Variants in CEP162 observed in about 807,000 individuals in gnomAD.
CEP162 encodes the protein centrosomal protein of 162 kDa.
CEP162 carries 141 observed loss-of-function variants against 169.2 expected under a neutral mutation model. The ratio of observed to expected loss-of-function variants is 0.83; its 90% CI spans 0.73 to 0.96. The LOEUF is 0.96. CEP162 is among the 40% of genes least tolerant of loss of function. The pLI is 0.00. For missense variants in CEP162, 1,600 were observed against 1,587.2 expected, an observed-to-expected ratio of 1.01 and a Z score of -0.14; for synonymous variants, 540 against 526.4, an observed-to-expected ratio of 1.03 and a Z score of -0.35.
intron 9 of CEP162, 130 bp from the exon 10 acceptor site, chr6:84,195,205 G>C (rs2099541606): frequency 1.4e-6 from 1 of 729,734 alleles, no homozygotes; most frequent in South Asian, 2.0e-5. Context: ...GTAATTTGCA[G>C]CTATGGCCTA....
chr6:84,183,311 C>T (rs1292166685), intron 13 of CEP162, among the ~76,000 whole-genome samples: 4 of 152,000 alleles, frequency 2.6e-5, no homozygotes, highest in African/African-American at 9.7e-5. Context: ...GTGACATTAC[C>T]TCTGTCTTCA....
chr6:84,192,144 T>C (rs1383343545), intron 11 of CEP162, among the ~76,000 whole-genome samples: 1 of 152,190 alleles, frequency 6.6e-6, no homozygotes, highest in East Asian at 1.9e-4. Flanking sequence ...ACATTTTTGA[T>C]GACAAGCTAC....
At chr6:84,222,076 C>A (rs913638479) in intron 2 of CEP162, among the ~76,000 whole-genome samples, 38 of 151,562 alleles carry the variant, frequency 2.5e-4, no homozygotes, top group Middle Eastern at 3.4e-3. Flanking sequence ...TAGAACAAAA[C>A]AAAAAAATTC....
intron 23 of CEP162, among the ~76,000 whole-genome samples, chr6:84,149,923 T>C (rs1053348873): frequency 6.7e-6 from 1 of 150,328 alleles, no homozygotes; most frequent in Non-Finnish European, 1.5e-5. Context: ...AAGGGCAAAC[T>C]TGAGGAAATA....
Position 84,204,087 on chromosome 6 carries a change from C to A in CEP162, c.581G>T (p.Ser194Ile). 1 of 1,576,020 alleles carries A rather than the reference C, an allele frequency of 6.3e-7. No individual in the cohort carries two copies. Among genetic ancestry groups the A allele is most frequent in the Middle Eastern group, 1.7e-4 (1 of 5,900 alleles). ...SKHEELAENY[S>I]DDFEDEYVGA... ...AACATACTCATCTTCAAAATCATCA[C>A]TGTAATTTTCTGAAGAAAGTAATTT... Residue 194 changes from serine (S) to isoleucine (I), a missense_variant, in exon 7 of 27, where the codon AGT becomes ATT. Coordinates refer to ENST00000403245, the MANE Select transcript of CEP162 (RefSeq NM_014895.4).
At position 84,215,343 on chromosome 6, in the gene CEP162, A is replaced by G; in HGVS notation, c.442T>C (p.Tyr148His). ...LEKGLTSSIDYSRLNKELDSN... is the reference protein window; with the variant it reads ...LEKGLTSSIDHSRLNKELDSN... ...TCCAATTCCTTATTTAATCTCGAAT[A>G]ATCAATGGAAGATGTCAAGCCTTTC... The change falls in exon 5 of 27, where the codon TAT (tyrosine) becomes CAT (histidine). Residue 148 changes from tyrosine to histidine, a missense_variant. By Grantham distance (83) the Tyr-to-His change is moderately conservative (BLOSUM62 2). Coordinates refer to ENST00000403245, the MANE Select transcript of CEP162 (RefSeq NM_014895.4). 6.2e-7 allele frequency: 1 copy of G among 1,604,262 alleles called. No homozygotes were observed.
chr6:84,184,202 C>T (rs1355506892), intron 13 of CEP162, among the ~76,000 whole-genome samples: 2 of 152,118 alleles, frequency 1.3e-5, no homozygotes, highest in Non-Finnish European at 2.9e-5. Context: ...CGTACATTGT[C>T]AATTATTTTT....
intron 3 of CEP162, among the ~76,000 whole-genome samples, chr6:84,217,141 G>A (rs1472569641): frequency 6.6e-6 from 1 of 152,024 alleles, no homozygotes; most frequent in East Asian, 1.9e-4. Flanking sequence ...CTACACACCA[G>A]GCATTGTTCT....
At chr6:84,185,495 C>A in intron 12 of CEP162, 47 bp from the exon 13 acceptor site, 1 of 1,492,784 alleles carries the variant, frequency 6.7e-7, no homozygotes, top group Non-Finnish European at 9.1e-7. Context: ...TAAACTTTAA[C>A]TATTGTTGTA....
intron 25 of CEP162, among the ~76,000 whole-genome samples, chr6:84,135,336 T>C (rs1220109145): frequency 6.6e-6 from 1 of 152,346 alleles, no homozygotes; most frequent in Non-Finnish European, 1.5e-5. Flanking sequence ...ACCCAGATGA[T>C]GTCACTTAAA....
At chr6:84,140,924 C>A in intron 25 of CEP162, among the ~76,000 whole-genome samples, 1 of 152,076 alleles carries the variant, frequency 6.6e-6, no homozygotes, top group East Asian at 1.9e-4. Context: ...AATTCTTCCA[C>A]GGAAAGAGGG....
intron 11 of CEP162, among the ~76,000 whole-genome samples, chr6:84,188,095 C>T (rs1236379792): frequency 7.0e-6 from 1 of 142,178 alleles, no homozygotes; most frequent in Non-Finnish European, 1.5e-5. Context: ...CAGAGTGAGA[C>T]TCCGTCTCAA....
Position 84,215,794 on chromosome 6 carries a change from C to G in CEP162, c.301G>C (p.Asp101His), listed in dbSNP as rs567194130. 1 of 1,589,798 alleles carries G rather than the reference C, an allele frequency of 6.3e-7. No homozygotes were observed. Among genetic ancestry groups the G allele is most frequent in the Admixed American group, 1.8e-5 (1 of 56,670 alleles). Residue 101 changes from aspartate (D) to histidine (H), a missense_variant, in exon 4 of 27, where the codon GAT becomes CAT. Coordinates refer to ENST00000403245, the MANE Select transcript of CEP162 (RefSeq NM_014895.4). ...KSSGTSLLST[D>H]SLETNELVVS... ...TTCTTACCATTTGTTTCTAAGCTAT[C>G]AGTACTTAAGAGAGAGGTTCCACTG...
Position 84,125,068 on chromosome 6 carries a change from T to C in CEP162, c.*2A>G, listed in dbSNP as rs746637193. ...AAGGTCATTATGAAATCTGAATTTC[T>C]ATTAATACTCTGGTGCATTCATTTC... On this transcript the variant is annotated 3_prime_UTR_variant, in exon 27 of 27. Transcript: ENST00000403245. 8.7e-6 allele frequency: 14 copies of C among 1,608,318 alleles called. No individual in the cohort carries two copies. The highest frequency in any genetic ancestry group is 6.0e-6 in the Non-Finnish European group (7 of 1,175,818).
intron 6 of CEP162, among the ~76,000 whole-genome samples, chr6:84,209,174 A>G (rs1300913246): frequency 6.6e-6 from 1 of 152,204 alleles, no homozygotes; most frequent in Non-Finnish European, 1.5e-5. Context: ...TCAGCTGTAG[A>G]ACCACTGGCA....
chr6:84,153,279 G>C, intron 22 of CEP162, 100 bp from the exon 23 acceptor site: 1 of 1,067,252 alleles, frequency 9.4e-7, no homozygotes, highest in Non-Finnish European at 1.3e-6. Context: ...CTTTATTCAG[G>C]TACTCATTAT....
intron 17 of CEP162, among the ~76,000 whole-genome samples, chr6:84,171,327 C>G (rs2099530022): frequency 6.6e-6 from 1 of 152,194 alleles, no homozygotes; most frequent in East Asian, 1.9e-4. Context: ...AAGAGGAATA[C>G]TATATATTCA....
chr6:84,164,811 A>G lies in CEP162; in HGVS notation c.2386-1541T>C, dbSNP rs192381665. ...AAACCACCATGGCACATGTATACCT[A>G]TGTAACAAACCTGCCCATTCAGTAC... On this transcript the variant is annotated intron_variant, in intron 18 of 26. Coordinates refer to ENST00000403245, the MANE Select transcript of CEP162 (RefSeq NM_014895.4). Among the ~76,000 whole-genome samples the G allele has an allele frequency of 2.0e-5, 3 of 152,274 alleles. No individual in the cohort carries two copies. In the East Asian group the frequency reaches 5.8e-4, roughly 29 times the overall value.
chr6:84,124,970 CAT>C lies in CEP162; in HGVS notation c.*98_*99del. 1 of 883,830 alleles carries C rather than the reference CAT, an allele frequency of 1.1e-6. No homozygotes were observed. The highest frequency in any genetic ancestry group is 2.8e-5 in the Admixed American group (1 of 35,424). The allele number at this position is 883,830 out of a possible 1,614,324, so 54.7% of individuals were successfully genotyped here. On this transcript the variant is annotated 3_prime_UTR_variant, in exon 27 of 27. Transcript: ENST00000403245. ...GCTTTGGTTGTTTGCTTTCTGGAAA[CAT>C]ATTGGAACACTTGTTTTTCATAAGC...
Sources: allele counts gnomAD v4.1 joint callset (sites outside exome capture counted in the v4.1 genomes callset), GRCh38; gene constraint gnomAD v4.1.1; transcripts MANE v1.5; gene names NCBI Gene and HGNC (gene_info 2026-07-23, HGNC 2026-07-21).